The following ZNF578 variants were observed in gnomAD, a reference collection of about 807,000 sequenced individuals.
ZNF578 encodes the protein Putative chemokine-related protein B42.
ZNF578 carries 8 observed loss-of-function variants against 8.3 expected under a neutral mutation model. The observed-to-expected ratio is 0.96, with a 90% CI of 0.56 to 1.74. The LOEUF (loss-of-function observed/expected upper bound fraction) is 1.74. Ranked by LOEUF, ZNF578 falls within the 40% of genes most tolerant of loss-of-function variation. The pLI is 0.00. For missense variants in ZNF578, 726 were observed against 707.5 expected, an observed-to-expected ratio of 1.03 and a Z score of -0.30; for synonymous variants, 206 against 232.2, an observed-to-expected ratio of 0.89 and a Z score of 1.03.
chr19:52,514,970 T>C lies in ZNF578; in HGVS notation c.*2816T>C. Among the ~76,000 whole-genome samples the C allele has an allele frequency of 6.6e-6, 1 of 151,156 alleles. No individual in the cohort carries two copies. Among genetic ancestry groups the C allele is most frequent in the Admixed American group, 6.6e-5 (1 of 15,112 alleles). ...GCTACCACGTCGAGACTCTTTTTTT[T>C]TTTTTTTTTTAGATGGAGTTTTGCT... On this transcript the variant is annotated 3_prime_UTR_variant, in exon 6 of 6. Transcript: ENST00000421239.
rs1243555563 is a variant in ZNF578, at chr19:52,514,810, C to G, written c.*2656C>G. Among the ~76,000 whole-genome samples, 2 of 151,966 alleles carry G rather than the reference C, an allele frequency of 1.3e-5. No homozygotes were observed. Among genetic ancestry groups the G allele is most frequent in the Non-Finnish European group, 2.9e-5 (2 of 68,004 alleles). Reference sequence around the variant, plus strand: ...CCTGAGGAGCTGGAATTACAGGCACCCACCAGCACACCCAGCTAGTTTTTG... The same window carrying G: ...CCTGAGGAGCTGGAATTACAGGCACGCACCAGCACACCCAGCTAGTTTTTG... On this transcript the variant is annotated 3_prime_UTR_variant, in exon 6 of 6. Transcript: ENST00000421239.
intron 2 of ZNF578, among the ~76,000 whole-genome samples, chr19:52,465,789 C>G (rs1006188596): frequency 6.6e-6 from 1 of 152,252 alleles, no homozygotes; most frequent in African/African-American, 2.4e-5. Flanking sequence ...CCCTGGCTTT[C>G]TCTGAGTGCC....
chr19:52,501,875 G>T lies in ZNF578; in HGVS notation c.30G>T (p.Arg10Ser), dbSNP rs1417004313. 1 of 1,613,466 alleles carries T rather than the reference G, an allele frequency of 6.2e-7. No homozygotes were observed. The highest frequency in any genetic ancestry group is 8.5e-7 in the Non-Finnish European group (1 of 1,179,786). Residue 10 changes from arginine (R) to serine (S), a missense_variant, in exon 4 of 6, where the codon AGG (arginine) becomes AGT (serine). Physicochemically the swap from Arg to Ser is moderately radical, Grantham distance 110. Transcript: ENST00000421239. ...TACATGAGGAAGCAGCTCAGAAGAG[G>T]AAAGGAAAGGAGCCAGGCATGGCTC... MLHEEAAQK[R>S]KGKEPGMALP...
rs367569575 is a variant in ZNF578 at position 52,514,693 on chromosome 19, C to T, written c.*2539C>T. The stretch of plus-strand genomic sequence containing the variant: ...CTTTTCTTTTTTGGAAATGGAGTCT[C>T]GCTCTGTCAGCTTGGATGGAGTGCA... On this transcript the variant is annotated 3_prime_UTR_variant, in exon 6 of 6. Coordinates refer to ENST00000421239, the MANE Select transcript of ZNF578 (RefSeq NM_001099694.2). Among the ~76,000 whole-genome samples the T allele has an allele frequency of 6.6e-6, 1 of 152,222 alleles. No homozygotes were observed. Among genetic ancestry groups the T allele is most frequent in the African/African-American group, 2.4e-5 (1 of 41,526 alleles).
intron 2 of ZNF578, among the ~76,000 whole-genome samples, chr19:52,460,135 T>C (rs905214470): frequency 6.6e-6 from 1 of 151,874 alleles, no homozygotes; most frequent in South Asian, 2.1e-4. Context: ...TGTGTATGTA[T>C]ATAGATGTAT....
At chr19:52,481,149 C>G (rs1323033327) in intron 2 of ZNF578, among the ~76,000 whole-genome samples, 9 of 152,136 alleles carry the variant, frequency 5.9e-5, no homozygotes, top group South Asian at 2.1e-4. Context: ...ATACCTTGAA[C>G]CTTATATTAC....
chr19:52,500,144 C>T (rs1429922638), intron 3 of ZNF578, among the ~76,000 whole-genome samples: 3 of 152,126 alleles, frequency 2.0e-5, no homozygotes, highest in South Asian at 4.1e-4. Flanking sequence ...AGCCCTCATT[C>T]GACACTGCGG....
chr19:52,482,943 A>C (rs79355981), intron 2 of ZNF578, among the ~76,000 whole-genome samples: 9 of 128,278 alleles, frequency 7.0e-5, no homozygotes, highest in African/African-American at 2.6e-4. Flanking sequence ...TCTGTCTCCC[A>C]AAAAAAAAAA....
In ZNF578 at chr19:52,512,385, G is replaced by C. The variant is rs1012030561; in HGVS notation, c.*231G>C. 3.8e-5 allele frequency: 56 copies of C among 1,491,906 alleles called. No individual in the cohort carries two copies. Among genetic ancestry groups the C allele is most frequent in the East Asian group, 2.0e-4 (9 of 44,128 alleles). 92.4% of individuals were successfully genotyped at this position (1,491,906 alleles called of 1,614,324 possible). A position where few individuals can be genotyped will look rare whatever the true frequency, so the allele number is the denominator to read the frequency against. ...ACAAAGTCTTCAGTAACGCTACAACGATTGCAAATCATTGGAGAATCCATA... is the reference window on the plus strand; with the variant it reads ...ACAAAGTCTTCAGTAACGCTACAACCATTGCAAATCATTGGAGAATCCATA... On this transcript the variant is annotated 3_prime_UTR_variant, in exon 6 of 6. Transcript: ENST00000421239.
chr19:52,475,965 A>G (rs563804187), intron 2 of ZNF578, among the ~76,000 whole-genome samples: 9 of 152,298 alleles, frequency 5.9e-5, no homozygotes, highest in African/African-American at 1.9e-4. Context: ...TGCCCTTCCT[A>G]CAAAATGCTG....
chr19:52,493,726 T>C (rs576368684), intron 3 of ZNF578, among the ~76,000 whole-genome samples: 19 of 151,414 alleles, frequency 1.3e-4, no homozygotes, highest in East Asian at 3.9e-4. Context: ...CGCGGTGGCT[T>C]ATGCCTGTAA....
rs2059396482 is a variant in ZNF578, at chr19:52,498,766, A to G, written c.-19-3061A>G. 2.1e-5 allele frequency among the ~76,000 whole-genome samples: 3 copies of G among 144,890 alleles called. 1 individual carries two copies. Among genetic ancestry groups the G allele is most frequent in the Admixed American group, 1.4e-4 (2 of 13,964 alleles). On this transcript the variant is annotated intron_variant, in intron 3 of 5. Transcript: ENST00000421239. Reference sequence around the variant, plus strand: ...AGTGGAACAATCTTGGATCACTGCAACCTCTGCCTCCCGGGCTCAAGTGAT... The same window carrying G: ...AGTGGAACAATCTTGGATCACTGCAGCCTCTGCCTCCCGGGCTCAAGTGAT...
At chr19:52,467,050 G>T (rs1398320584) in intron 2 of ZNF578, among the ~76,000 whole-genome samples, 5 of 148,834 alleles carry the variant, frequency 3.4e-5, no homozygotes, top group African/African-American at 1.0e-4. Flanking sequence ...TCGCTCTGTT[G>T]CCCAGGCTGG....
chr19:52,471,206 T>A (rs1399660739), intron 2 of ZNF578, among the ~76,000 whole-genome samples: 1 of 152,106 alleles, frequency 6.6e-6, no homozygotes, highest in Non-Finnish European at 1.5e-5. Flanking sequence ...AATTACCCAG[T>A]GTTAGATATT....
At chr19:52,471,074 A>ACTTCACCTTC (rs2059290373) in intron 2 of ZNF578, among the ~76,000 whole-genome samples, 1 of 152,032 alleles carries the variant, frequency 6.6e-6, no homozygotes, top group African/African-American at 2.4e-5. Context: ...GCCTGCTCTT[A>ACTTCACCTTC]CTTCACCTTC....
In ZNF578 at chr19:52,512,897, G is replaced by A. The variant is rs2059454987; in HGVS notation, c.*743G>A. ...TGCAGGTGTTTATGATAAGAGGATT[G>A]GGCCAGGTGCAGTGGATCACGCCTG... On this transcript the variant is annotated 3_prime_UTR_variant, in exon 6 of 6. Transcript: ENST00000421239. 6.6e-6 allele frequency among the ~76,000 whole-genome samples: 1 copy of A among 152,166 alleles called. No homozygotes were observed. The highest frequency in any genetic ancestry group is 1.5e-5 in the Non-Finnish European group (1 of 68,038).
chr19:52,473,758 C>G (rs1197800091), intron 2 of ZNF578: 2 of 295,802 alleles, frequency 6.8e-6, no homozygotes. Flanking sequence ...TGTGGATTAA[C>G]AGATGGGCAG....
At chr19:52,474,037 A>G in intron 2 of ZNF578, 2 of 418,698 alleles carry the variant, frequency 4.8e-6, no homozygotes, top group East Asian at 6.3e-5. Flanking sequence ...GTGCAATTTG[A>G]TTGAAGACCT....
chr19:52,516,075 T>G lies in ZNF578; in HGVS notation c.*3921T>G, dbSNP rs903780786. On this transcript the variant is annotated 3_prime_UTR_variant, in exon 6 of 6. Transcript: ENST00000421239. ...TGACTCCCTCTGCCCCAGTCACATT[T>G]GCTTTTCTCTTTTCCCAAACATCAA... Among the ~76,000 whole-genome samples, 1 of 152,108 alleles carries G rather than the reference T, an allele frequency of 6.6e-6. No homozygotes were observed. The highest frequency in any genetic ancestry group is 1.5e-5 in the Non-Finnish European group (1 of 68,034).
Sources: allele counts gnomAD v4.1 joint callset (sites outside exome capture counted in the v4.1 genomes callset), GRCh38; gene constraint gnomAD v4.1.1; transcripts MANE v1.5; gene names NCBI Gene and HGNC (gene_info 2026-07-23, HGNC 2026-07-21).